Variants in CRY1 observed in about 807,000 individuals in gnomAD.
The protein encoded by CRY1 is cryptochrome-1.
CRY1 carries 45 observed loss-of-function variants against 76.0 expected under a neutral mutation model. The ratio of observed to expected loss-of-function variants is 0.59; its 90% CI spans 0.47 to 0.76. CRY1 has a LOEUF of 0.76. Ranked by LOEUF, CRY1 falls within the 30% of genes least tolerant of loss-of-function variation. The pLI, the probability that CRY1 is intolerant of heterozygous loss-of-function variation, is 0.00. For synonymous variants in CRY1, 248 were observed against 244.0 expected, an observed-to-expected ratio of 1.02 and a Z score of -0.15; for missense variants, 587 against 716.4, an observed-to-expected ratio of 0.82 and a Z score of 2.06.
At chr12:107,084,505 C>A (rs930829676) in intron 1 of CRY1, among the ~76,000 whole-genome samples, 1 of 152,136 alleles carries the variant, frequency 6.6e-6, no homozygotes, top group Non-Finnish European at 1.5e-5. Context: ...TGGAACAGAA[C>A]AGAGGCCTCA....
At chr12:107,006,197 C>T (rs188308614) in intron 2 of CRY1, among the ~76,000 whole-genome samples, 10 of 152,024 alleles carry the variant, frequency 6.6e-5, no homozygotes, top group African/African-American at 2.4e-4. Context: ...ACCAGCCTGG[C>T]CAGCATGGTG....
chr12:107,084,372 A>C (rs955971228), intron 1 of CRY1, among the ~76,000 whole-genome samples: 1 of 152,212 alleles, frequency 6.6e-6, no homozygotes, highest in Non-Finnish European at 1.5e-5. Context: ...CTGTATAGCC[A>C]AGACAATCCT....
intron 10 of CRY1, among the ~76,000 whole-genome samples, chr12:106,994,830 A>G (rs11113156): frequency 0.016 from 2,439 of 152,320 alleles, 69 homozygotes; most frequent in African/African-American, 0.056. Flanking sequence ...GTGTGGGCTG[A>G]CAAGGCAGGC....
At chr12:106,997,876 TAACTATTCCA>T in intron 8 of CRY1, 29 bp downstream of exon 8, 1 of 1,595,494 alleles carries the variant, frequency 6.3e-7, no homozygotes, top group Non-Finnish European at 8.5e-7. Context: ...CTTCTTGAAT[TAACTATTCCA>T]AACTGAGTAG....
chr12:107,000,690 C>G (rs192071519), intron 5 of CRY1, among the ~76,000 whole-genome samples: 1 of 152,054 alleles, frequency 6.6e-6, no homozygotes, highest in Admixed American at 6.5e-5. Flanking sequence ...CACTCCATCA[C>G]CCAGGCTGGA....
intron 2 of CRY1, among the ~76,000 whole-genome samples, chr12:107,020,650 G>A (rs552780879): frequency 6.6e-6 from 1 of 151,930 alleles, no homozygotes; most frequent in South Asian, 2.1e-4. Context: ...ATGATTGTAA[G>A]TTTCCTGAGG....
chr12:107,080,120 T>C (rs1157025606), intron 1 of CRY1, among the ~76,000 whole-genome samples: 1 of 152,128 alleles, frequency 6.6e-6, no homozygotes, highest in African/African-American at 2.4e-5. Context: ...AGAAATTACC[T>C]GTTGACTATC....
chr12:107,079,315 G>A (rs1471569346), intron 1 of CRY1, among the ~76,000 whole-genome samples: 1 of 152,102 alleles, frequency 6.6e-6, no homozygotes, highest in Non-Finnish European at 1.5e-5. Flanking sequence ...TTTTTGCTGA[G>A]ATAAATGCCA....
chr12:107,000,861 G>C (rs554395556), intron 5 of CRY1, among the ~76,000 whole-genome samples: 2 of 152,252 alleles, frequency 1.3e-5, no homozygotes, highest in Admixed American at 1.3e-4. Flanking sequence ...TGTTGGCCAG[G>C]CTGGTCTTGA....
At chr12:107,019,423 T>C (rs781258773) in intron 2 of CRY1, among the ~76,000 whole-genome samples, 3 of 152,212 alleles carry the variant, frequency 2.0e-5, no homozygotes, top group Non-Finnish European at 1.5e-5. Context: ...TATATGTATA[T>C]GTATGTGTTC....
At chr12:107,000,182 G>C in intron 5 of CRY1, 100 bp from the exon 6 acceptor site, 1 of 1,215,934 alleles carries the variant, frequency 8.2e-7, no homozygotes, top group Non-Finnish European at 1.1e-6. Flanking sequence ...CATAGTTCTT[G>C]GGGAATAAAA....
chr12:107,034,124 G>T (rs1051796074), intron 1 of CRY1, among the ~76,000 whole-genome samples: 5 of 151,762 alleles, frequency 3.3e-5, no homozygotes, highest in African/African-American at 7.3e-5. Context: ...AAAACAGAAT[G>T]CAGTAAAGAA....
chr12:107,001,757 C>T lies in CRY1; in HGVS notation c.595+7G>A, dbSNP rs1952314892. On this transcript the variant is annotated splice_region_variant and intron_variant, in intron 4 of 12. Transcript: ENST00000008527. ...CAAGCCTCACACTGACTACAGTTTA[C>T]ACTCACCTAGCTCTTCCAGTGAAGG... is the stretch of plus-strand genomic sequence containing the variant. The T allele has an allele frequency of 4.6e-6, 7 of 1,536,638 alleles. No homozygotes were observed. Among genetic ancestry groups the T allele is most frequent in the Non-Finnish European group, 6.1e-6 (7 of 1,154,112 alleles).
At chr12:107,033,882 C>G (rs1952705156) in intron 1 of CRY1, among the ~76,000 whole-genome samples, 1 of 149,496 alleles carries the variant, frequency 6.7e-6, no homozygotes, top group South Asian at 2.2e-4. Context: ...TAATGTAGTG[C>G]AGGTTGAGCA....
intron 1 of CRY1, among the ~76,000 whole-genome samples, chr12:107,086,681 T>TCA: frequency 6.6e-6 from 1 of 152,200 alleles, no homozygotes; most frequent in East Asian, 1.9e-4. Context: ...CAAGTGGTGT[T>TCA]AAGTCTGCAG....
rs560858789 is a variant in CRY1, at chr12:107,091,657, T to C, written c.158+1147A>G. On this transcript the variant is annotated intron_variant, in intron 1 of 12. Coordinates refer to ENST00000008527, the MANE Select transcript of CRY1 (RefSeq NM_004075.5). ...AAACCCAAATCTTGAAAACTGCTTA[T>C]AAGGCTCTCTTCAATCTGGCCCTAA... 1.8e-4 allele frequency among the ~76,000 whole-genome samples: 28 copies of C among 152,370 alleles called. No individual in the cohort carries two copies. In the East Asian group the frequency reaches 3.1e-3, roughly 17 times the overall value.
At chr12:107,011,113 A>T (rs1358555597) in intron 2 of CRY1, among the ~76,000 whole-genome samples, 1 of 152,084 alleles carries the variant, frequency 6.6e-6, no homozygotes, top group Non-Finnish European at 1.5e-5. Flanking sequence ...TTGGGAGGCC[A>T]AGGCGGGCGG....
At position 106,999,537 on chromosome 12, in the gene CRY1, G is replaced by C. The variant is rs1355058764; in HGVS notation, c.1137+14C>G. The C allele has an allele frequency of 6.3e-7, 1 of 1,599,910 alleles. No homozygotes were observed. The highest frequency in any genetic ancestry group is 1.7e-5 in the Admixed American group (1 of 58,362). On this transcript the variant is annotated intron_variant, in intron 7 of 12. Coordinates refer to ENST00000008527, the MANE Select transcript of CRY1 (RefSeq NM_004075.5). ...CTTCAAAATAAGGCATGCTATATCA[G>C]TTAGAACACTTACCTTCATTCCTTC...
At chr12:107,001,391 AC>A in intron 4 of CRY1, 23 bp from the exon 5 acceptor site, 1 of 1,571,194 alleles carries the variant, frequency 6.4e-7, no homozygotes, top group East Asian at 2.2e-5. Context: ...AAAGAAAAAA[AC>A]ATCATTCTTC....
Sources: allele counts gnomAD v4.1 joint callset (sites outside exome capture counted in the v4.1 genomes callset), GRCh38; gene constraint gnomAD v4.1.1; transcripts MANE v1.5; gene names NCBI Gene and HGNC (gene_info 2026-07-23, HGNC 2026-07-21).